Variants in STRN3 observed in about 807,000 individuals in gnomAD.
STRN3 encodes striatin-3.
STRN3 carries 29 observed loss-of-function variants against 95.6 expected under a neutral mutation model. That is an observed-to-expected ratio of 0.30 (90% CI 0.23 to 0.41). STRN3 has a LOEUF of 0.41. Ranked by LOEUF, STRN3 falls within the 10% of genes least tolerant of loss-of-function variation. STRN3 has a pLI of 1.00. For synonymous variants in STRN3, 331 were observed against 357.6 expected (o/e 0.93, Z 0.84); for missense variants, 890 against 972.1 (o/e 0.92, Z 1.12).
intron 1 of STRN3, among the ~76,000 whole-genome samples, chr14:30,966,780 A>G (rs2139180472): frequency 6.6e-6 from 1 of 152,234 alleles, no homozygotes; most frequent in Admixed American, 6.5e-5. Context: ...GTCCTCTCCA[A>G]GGTTCCATAG....
chr14:30,915,634 T>C (rs1433563069), intron 9 of STRN3, among the ~76,000 whole-genome samples: 1 of 152,186 alleles, frequency 6.6e-6, no homozygotes, highest in African/African-American at 2.4e-5. Context: ...TAAAAGTCAT[T>C]ATATAATATT....
At chr14:31,004,368 A>G (rs1381391981) in intron 1 of STRN3, among the ~76,000 whole-genome samples, 1 of 151,610 alleles carries the variant, frequency 6.6e-6, no homozygotes, top group Non-Finnish European at 1.5e-5. Flanking sequence ...GTGGGGAGCT[A>G]AAGTAGGAAT....
chr14:30,926,186 TTC>T, intron 8 of STRN3, among the ~76,000 whole-genome samples: 1 of 152,236 alleles, frequency 6.6e-6, no homozygotes. Context: ...TATTTCTGAA[TTC>T]TCTTTCCTGA....
At position 30,956,250 on chromosome 14, in the gene STRN3, T is replaced by C. The variant is rs753034414; in HGVS notation, c.283-8A>G. Reference sequence around the variant, plus strand: ...TAGAAATGCAATCCGGGCCTAAAAATATAAAAGATGCATTTATTTACATTT... The same window carrying C: ...TAGAAATGCAATCCGGGCCTAAAAACATAAAAGATGCATTTATTTACATTT... On this transcript the variant is annotated splice_polypyrimidine_tract_variant and splice_region_variant and intron_variant, in intron 1 of 17. Transcript: ENST00000357479. 1.9e-6 allele frequency: 3 copies of C among 1,610,798 alleles called. No individual in the cohort carries two copies. The East Asian group carries it at 6.7e-5, about 36-fold the overall frequency.
rs1265835151 is a variant in STRN3 at position 30,931,427 on chromosome 14, C to T, written c.989-2116G>A. 1.3e-5 allele frequency among the ~76,000 whole-genome samples: 2 copies of T among 152,154 alleles called. 1 individual carries two copies. The highest frequency in any genetic ancestry group is 4.1e-4 in the South Asian group (2 of 4,830). ...ACAAATATGCGTAAGAAAGTTGACT[C>T]CTGACAGCTCAAACCCACAAAAACA... On this transcript the variant is annotated intron_variant, in intron 7 of 17. Transcript: ENST00000357479.
chr14:30,914,513 C>T (rs756852631), intron 9 of STRN3, among the ~76,000 whole-genome samples: 4 of 152,086 alleles, frequency 2.6e-5, no homozygotes, highest in Non-Finnish European at 4.4e-5. Flanking sequence ...CCACCACGCC[C>T]GGCTAATTTT....
intron 1 of STRN3, among the ~76,000 whole-genome samples, chr14:30,973,264 GAA>G (rs11325139): frequency 4.0e-5 from 6 of 150,166 alleles, no homozygotes; most frequent in Admixed American, 2.7e-4. Context: ...AAACAGAATA[GAA>G]AAAAAAAATT....
intron 1 of STRN3, among the ~76,000 whole-genome samples, chr14:30,966,753 C>A (rs895842237): frequency 6.6e-6 from 1 of 152,130 alleles, no homozygotes; most frequent in African/African-American, 2.4e-5. Flanking sequence ...AGTCCTACTG[C>A]TGGACGGAGT....
intron 15 of STRN3, among the ~76,000 whole-genome samples, chr14:30,903,412 T>G (rs1225082873): frequency 1.3e-5 from 2 of 152,178 alleles, no homozygotes; most frequent in East Asian, 3.8e-4. Context: ...ACAATTTTTT[T>G]TGTTTAAGAG....
At chr14:31,023,262 T>C (rs1445396616) in intron 1 of STRN3, among the ~76,000 whole-genome samples, 1 of 152,188 alleles carries the variant, frequency 6.6e-6, no homozygotes, top group East Asian at 1.9e-4. Flanking sequence ...TAATTCATGT[T>C]ATATAAAAGT....
intron 1 of STRN3, among the ~76,000 whole-genome samples, chr14:30,968,021 G>A (rs894291783): frequency 1.3e-5 from 2 of 152,166 alleles, no homozygotes; most frequent in Non-Finnish European, 2.9e-5. Context: ...AAACGTGTGA[G>A]CTATTTGCAC....
chr14:30,941,956 C>A (rs955158729), intron 5 of STRN3, among the ~76,000 whole-genome samples: 18 of 152,186 alleles, frequency 1.2e-4, no homozygotes, highest in Non-Finnish European at 2.2e-4. Flanking sequence ...TAAACCAATT[C>A]TCTATTCATA....
At chr14:30,899,809 A>G (rs1896255980) in intron 16 of STRN3, among the ~76,000 whole-genome samples, 1 of 151,836 alleles carries the variant, frequency 6.6e-6, no homozygotes, top group African/African-American at 2.4e-5. Flanking sequence ...TATCTTATAC[A>G]TGATAGTATC....
Position 30,906,933 on chromosome 14 carries a change from C to A in STRN3, c.1832G>T (p.Arg611Met), listed in dbSNP as rs189300458. The A allele has an allele frequency of 1.8e-5, 29 of 1,613,828 alleles. No homozygotes were observed. Among genetic ancestry groups the A allele is most frequent in the Non-Finnish European group, 2.0e-5 (24 of 1,179,838 alleles). ...CAATTTTTCTTGTGGATTCCATAAC[C>A]TAACAGTGCCATCTGCTGAACAAGA... Reference protein sequence around the residue: ...LLSCSADGTVRLWNPQEKLPC... With the variant: ...LLSCSADGTVMLWNPQEKLPC... The change falls in exon 14 of 18, where the codon AGG becomes ATG. Residue 611 changes from arginine (R) to methionine (M), a missense_variant. Physicochemically the swap from Arg to Met is moderately conservative, Grantham distance 91. This residue lies in a region of STRN3 where 357 missense variants were observed against 422.8 expected (regional missense o/e 0.84). Transcript: ENST00000357479.
intron 1 of STRN3, among the ~76,000 whole-genome samples, chr14:30,959,271 G>A (rs1050748862): frequency 6.6e-6 from 1 of 152,138 alleles, no homozygotes; most frequent in Non-Finnish European, 1.5e-5. Flanking sequence ...GCTGCAGTGA[G>A]CCATGATTGC....
chr14:30,985,433 G>A (rs942330420), intron 1 of STRN3, among the ~76,000 whole-genome samples: 2 of 151,996 alleles, frequency 1.3e-5, no homozygotes, highest in African/African-American at 2.4e-5. Context: ...ATGAAACCCC[G>A]TCTCTACTAA....
At position 30,912,002 on chromosome 14, in the gene STRN3, C is replaced by G; in HGVS notation, c.1550+5G>C. ...AATACACCAGGCTAACACTAAAATACTTGCTTTTTGGCAGGAACTGTTTTT... is the reference window on the plus strand; with the variant it reads ...AATACACCAGGCTAACACTAAAATAGTTGCTTTTTGGCAGGAACTGTTTTT... On this transcript the variant is annotated splice_donor_5th_base_variant and intron_variant, in intron 11 of 17. Coordinates refer to ENST00000357479, the MANE Select transcript of STRN3 (RefSeq NM_001083893.2). 1 of 1,606,018 alleles carries G rather than the reference C, an allele frequency of 6.2e-7. No homozygotes were observed. The highest frequency in any genetic ancestry group is 8.5e-7 in the Non-Finnish European group (1 of 1,177,942).
intron 1 of STRN3, among the ~76,000 whole-genome samples, chr14:30,998,417 T>G (rs1882301120): frequency 6.6e-6 from 1 of 152,232 alleles, no homozygotes; most frequent in African/African-American, 2.4e-5. Context: ...GACATATTCC[T>G]GAGAACCTAG....
At position 30,990,291 on chromosome 14, in the gene STRN3, T is replaced by C. The variant is rs1378832284; in HGVS notation, c.283-34049A>G. Among the ~76,000 whole-genome samples, 7 of 151,590 alleles carry C rather than the reference T, an allele frequency of 4.6e-5. No individual in the cohort carries two copies. The East Asian group carries it at 1.4e-3, about 29-fold the overall frequency. ...CATTCTCCTGCCTCAGCCTCCCAAGTAGCTGGGACTATAGGTGCCCGCCAC... is the reference window on the plus strand; with the variant it reads ...CATTCTCCTGCCTCAGCCTCCCAAGCAGCTGGGACTATAGGTGCCCGCCAC... On this transcript the variant is annotated intron_variant, in intron 1 of 17. Transcript: ENST00000357479.
Sources: allele counts gnomAD v4.1 joint callset (sites outside exome capture counted in the v4.1 genomes callset), GRCh38; gene constraint gnomAD v4.1.1; regional missense constraint gnomAD v4.1.1; transcripts MANE v1.5; gene names NCBI Gene and HGNC (gene_info 2026-07-23, HGNC 2026-07-21).